NGLY1: variants seen among roughly 807,000 people sequenced by gnomAD.
NGLY1 encodes the protein peptide-N(4)-(N-acetyl-beta-glucosaminyl)asparagine amidase.
A neutral mutation model predicts 84.6 loss-of-function variants in NGLY1; 68 were observed. The observed-to-expected ratio is 0.80, with a 90% CI of 0.66 to 0.98. The LOEUF is 0.98. Ranked by LOEUF, NGLY1 falls within the 50% of genes least tolerant of loss-of-function variation. The pLI is 0.00. For synonymous variants in NGLY1, 280 were observed against 275.2 expected, an observed-to-expected ratio of 1.02 and a Z score of -0.17; for missense variants, 779 against 770.2, an observed-to-expected ratio of 1.01 and a Z score of -0.14.
intron 2 of NGLY1, among the ~76,000 whole-genome samples, chr3:25,766,051 T>A (rs968217737): frequency 3.0e-4 from 46 of 151,608 alleles, no homozygotes; most frequent in Admixed American, 2.2e-3. Context: ...CCCTGAAAAG[T>A]AGGTATTAGA....
intron 9 of NGLY1, among the ~76,000 whole-genome samples, chr3:25,731,202 C>T (rs187738784): frequency 1.3e-4 from 19 of 152,000 alleles, no homozygotes; most frequent in African/African-American, 4.6e-4. Flanking sequence ...AGCTGAATTC[C>T]CCAAATTCTG....
At chr3:25,754,880 G>A in intron 3 of NGLY1, 2 of 619,774 alleles carry the variant, frequency 3.2e-6, no homozygotes, top group Non-Finnish European at 5.9e-6. Flanking sequence ...CTAAGTTAAA[G>A]ACTACCAATA....
chr3:25,764,057 TA>T lies in NGLY1; in HGVS notation c.492+8del, dbSNP rs780638480. ...GAAACAGTTAAAGAAGGTTTAATTC[TA>T]ACATTACCGTTGAAGCAGATGGTGG... On this transcript the variant is annotated splice_region_variant and intron_variant, in intron 3 of 11. Transcript: ENST00000280700. 4.3e-6 allele frequency: 7 copies of T among 1,613,570 alleles called. No individual in the cohort carries two copies. In the East Asian group the frequency reaches 1.6e-4, roughly 36 times the overall value.
At chr3:25,736,222 C>A (rs554155199) in intron 6 of NGLY1, 73 bp from the exon 7 acceptor site, 1 of 1,573,850 alleles carries the variant, frequency 6.4e-7, no homozygotes, top group Non-Finnish European at 8.6e-7. Flanking sequence ...TAACTATACA[C>A]AAACTCCTAA....
Position 25,729,185 on chromosome 3 carries a change from C to T in NGLY1, c.1559G>A (p.Gly520Asp). ...NNQTISGWENGVWKMESIFRK... is the reference protein window; with the variant it reads ...NNQTISGWENDVWKMESIFRK... ...GAATATAGATTCCATTTTCCACACGCCATTCTCCCATCCAGAAATGGTTTG... is the reference window on the plus strand; with the variant it reads ...GAATATAGATTCCATTTTCCACACGTCATTCTCCCATCCAGAAATGGTTTG... The change falls in exon 10 of 12, where the codon GGC becomes GAC. Residue 520 changes from glycine (G) to aspartate (D), a missense_variant. Coordinates refer to ENST00000280700, the MANE Select transcript of NGLY1 (RefSeq NM_018297.4). The T allele has an allele frequency of 6.4e-7, 1 of 1,558,352 alleles. No individual in the cohort carries two copies. The highest frequency in any genetic ancestry group is 8.7e-7 in the Non-Finnish European group (1 of 1,148,536).
chr3:25,744,508 A>G (rs1220649519), intron 4 of NGLY1, among the ~76,000 whole-genome samples: 2 of 152,192 alleles, frequency 1.3e-5, no homozygotes, highest in African/African-American at 4.8e-5. Flanking sequence ...AAAGAAAATC[A>G]CCAACTTGGC....
rs1355136163 is a variant in NGLY1, at chr3:25,778,621, G to A, written c.199C>T (p.Pro67Ser). 6.2e-7 allele frequency: 1 copy of A among 1,611,822 alleles called. No individual in the cohort carries two copies. Among genetic ancestry groups the A allele is most frequent in the Non-Finnish European group, 8.5e-7 (1 of 1,178,726 alleles). ...GNTAFSTRLL[P>S]VRGAVECLFE... Reference sequence around the variant, plus strand: ...AAACATTCAACAGCTCCTCTGACAGGCAAGAGTCTAGTAGAAAAGGCTGTG... The same window carrying A: ...AAACATTCAACAGCTCCTCTGACAGACAAGAGTCTAGTAGAAAAGGCTGTG... The change falls in exon 2 of 12, where the codon CCT becomes TCT. Residue 67 changes from proline (P) to serine (S), a missense_variant. Pro to Ser is a moderately conservative substitution (Grantham distance 74). Coordinates refer to ENST00000280700, the MANE Select transcript of NGLY1 (RefSeq NM_018297.4).
At chr3:25,762,787 T>C (rs1182644926) in intron 3 of NGLY1, among the ~76,000 whole-genome samples, 2 of 152,138 alleles carry the variant, frequency 1.3e-5, no homozygotes, top group African/African-American at 4.8e-5. Flanking sequence ...ACCCCGTCTC[T>C]ACTAAAAACA....
At chr3:25,721,126 T>C (rs1704966581) in intron 10 of NGLY1, among the ~76,000 whole-genome samples, 1 of 152,240 alleles carries the variant, frequency 6.6e-6, no homozygotes, top group Non-Finnish European at 1.5e-5. Context: ...GGTCTCACTC[T>C]GTCACCCAGG....
intron 1 of NGLY1, among the ~76,000 whole-genome samples, chr3:25,779,200 G>T (rs947349978): frequency 3.9e-5 from 6 of 152,066 alleles, no homozygotes; most frequent in Admixed American, 3.9e-4. Context: ...GCCTCCCAAA[G>T]TGCTGGGGAT....
In NGLY1 at chr3:25,719,612, C is replaced by T. The variant is rs1487856913; in HGVS notation, c.1813G>A (p.Asp605Asn). The change falls in exon 12 of 12, where the codon GAT (aspartate) becomes AAT (asparagine). Residue 605 changes from aspartate to asparagine, a missense_variant. Physicochemically the swap from Asp to Asn is conservative, Grantham distance 23. Transcript: ENST00000280700. ...TGDNSLHSYADFSGATEVILE... is the reference protein window; with the variant it reads ...TGDNSLHSYANFSGATEVILE... ...ATAACTTCAGTGGCACCAGAAAAAT[C>T]AGCATAGGAGTGAAGACTGTTATCT... is the stretch of plus-strand genomic sequence containing the variant. 6.2e-7 allele frequency: 1 copy of T among 1,613,272 alleles called. No individual in the cohort carries two copies. Among genetic ancestry groups the T allele is most frequent in the Non-Finnish European group, 8.5e-7 (1 of 1,179,592 alleles).
chr3:25,745,902 T>C (rs996540198), intron 4 of NGLY1, among the ~76,000 whole-genome samples: 9 of 152,232 alleles, frequency 5.9e-5, no homozygotes, highest in Non-Finnish European at 1.0e-4. Flanking sequence ...TTATGTAACA[T>C]TTCTGCTGTA....
At chr3:25,755,212 G>A (rs904905722) in intron 3 of NGLY1, 2 of 1,370,018 alleles carry the variant, frequency 1.5e-6, no homozygotes, top group Admixed American at 1.7e-5. Context: ...ATATTGCAAG[G>A]CAGAAAAATC....
intron 4 of NGLY1, among the ~76,000 whole-genome samples, chr3:25,745,982 C>T (rs955846202): frequency 6.6e-6 from 1 of 152,148 alleles, no homozygotes; most frequent in Non-Finnish European, 1.5e-5. Flanking sequence ...TTTCTTTGGT[C>T]TTTACTATTT....
rs1303381306 is a variant in NGLY1, at chr3:25,739,783, A to G, written c.675T>C (p.Asp225=). 4 of 1,613,574 alleles carry G rather than the reference A, an allele frequency of 2.5e-6. No individual in the cohort carries two copies. Among genetic ancestry groups the G allele is most frequent in the South Asian group, 1.1e-5 (1 of 91,078 alleles). ...AAAGCTCCAGCAAAAGAAAATCCTC[A>G]TCACTTATATTGATACCTGAGAAAT... ...RKLDKGINIS[D]EDFLLLELLH... The change falls in exon 5 of 12, where the codon GAT becomes GAC. Residue 225 remains aspartate (D), a synonymous_variant. Coordinates refer to ENST00000280700, the MANE Select transcript of NGLY1 (RefSeq NM_018297.4).
intron 9 of NGLY1, among the ~76,000 whole-genome samples, chr3:25,731,442 T>TA (rs1559532312): frequency 2.6e-5 from 4 of 152,072 alleles, no homozygotes; most frequent in Non-Finnish European, 4.4e-5. Context: ...AATGAAAAGA[T>TA]AGACAATACC....
At chr3:25,759,794 G>T (rs1707215625) in intron 3 of NGLY1, among the ~76,000 whole-genome samples, 1 of 151,940 alleles carries the variant, frequency 6.6e-6, no homozygotes, top group African/African-American at 2.4e-5. Context: ...CAATTATTTT[G>T]ATTTCTGATA....
Position 25,736,054 on chromosome 3 carries a change from T to A in NGLY1, c.1099A>T (p.Ile367Leu), listed in dbSNP as rs781551501. The change falls in exon 7 of 12, where the codon ATA becomes TTA. Residue 367 changes from isoleucine (I) to leucine (L), a missense_variant. By Grantham distance (5) the Ile-to-Leu change is conservative. Coordinates refer to ENST00000280700, the MANE Select transcript of NGLY1 (RefSeq NM_018297.4). The stretch of plus-strand genomic sequence containing the variant: ...TAGGAAAGCTTCTTGCCCCATCCTA[T>A]TTCATAAAGGAGTGGCTTGTCACAG... ...DVCDKPLLYE[I>L]GWGKKLSYVI... 2 of 1,614,048 alleles carry A rather than the reference T, an allele frequency of 1.2e-6. No individual in the cohort carries two copies. The highest frequency in any genetic ancestry group is 8.5e-7 in the Non-Finnish European group (1 of 1,179,912).
chr3:25,733,612 A>T lies in NGLY1; in HGVS notation c.1260+260T>A, dbSNP rs368957434. Among the ~76,000 whole-genome samples, 8 of 152,160 alleles carry T rather than the reference A, an allele frequency of 5.3e-5. 1 individual carries two copies. The East Asian group carries it at 1.2e-3, about 22-fold the overall frequency. On this transcript the variant is annotated intron_variant, in intron 8 of 11. Transcript: ENST00000280700. Reference sequence around the variant, plus strand: ...AACACATTTTTTGTCAGGTACTACCAATACTGAAATTTTGTTTCAAAGAAC... The same window carrying T: ...AACACATTTTTTGTCAGGTACTACCTATACTGAAATTTTGTTTCAAAGAAC...
Sources: gnomAD v4.1 joint callset for allele counts (sites outside exome capture counted in the v4.1 genomes callset) on GRCh38, gnomAD v4.1.1 for gene constraint, MANE v1.5 for transcripts, NCBI Gene and HGNC (gene_info 2026-07-23, HGNC 2026-07-21) for gene names.